The following PTPRN2 variants were observed in gnomAD, a reference collection of about 807,000 sequenced individuals.
PTPRN2 encodes the protein protein tyrosine phosphatase receptor type N2.
In PTPRN2, 74 loss-of-function variants were observed where a neutral mutation model predicts 118.8. That is an observed-to-expected ratio of 0.62 (90% CI 0.52 to 0.76). The LOEUF (loss-of-function observed/expected upper bound fraction) is 0.76. Ranked by LOEUF, PTPRN2 falls within the 30% of genes least tolerant of loss-of-function variation. The probability of loss-of-function intolerance (pLI) is 0.00; values close to 1 mark genes in which losing one functional copy is unlikely to be tolerated. For missense variants in PTPRN2, 1,481 were observed against 1,394.4 expected (o/e 1.06, Z -0.99); for synonymous variants, 641 against 608.0 (o/e 1.05, Z -0.80).
Position 158,077,761 on chromosome 7 carries a change from C to T in PTPRN2, c.1723+3537G>A, listed in dbSNP as rs576989925. Among the ~76,000 whole-genome samples, 3 of 152,284 alleles carry T rather than the reference C, an allele frequency of 2.0e-5. No individual in the cohort carries two copies. The South Asian group carries it at 6.2e-4, about 32-fold the overall frequency. On this transcript the variant is annotated intron_variant, in intron 11 of 22. Coordinates refer to ENST00000389418, the MANE Select transcript of PTPRN2 (RefSeq NM_002847.5). Reference sequence around the variant, plus strand: ...TCTGCAGACTGGGAGCCAGCAAAAGCAAACAGTTTCTAAAGGATGATGAAT... The same window carrying T: ...TCTGCAGACTGGGAGCCAGCAAAAGTAAACAGTTTCTAAAGGATGATGAAT...
At chr7:157,876,279 AGGGCTGACCCTGAAG>A (rs1332262087) in intron 12 of PTPRN2, among the ~76,000 whole-genome samples, 1 of 152,156 alleles carries the variant, frequency 6.6e-6, no homozygotes, top group African/African-American at 2.4e-5. Context: ...TAAGGCGGAC[AGGGCTGACCCTGAAG>A]GCAAAGCATC....
At chr7:158,333,769 A>C in intron 2 of PTPRN2, among the ~76,000 whole-genome samples, 1 of 147,790 alleles carries the variant, frequency 6.8e-6, no homozygotes, top group South Asian at 2.2e-4. Context: ...ACACCCGCAG[A>C]CATCACTCAC....
chr7:158,432,821 C>T (rs1185315626), intron 2 of PTPRN2, among the ~76,000 whole-genome samples: 1 of 152,182 alleles, frequency 6.6e-6, no homozygotes, highest in Non-Finnish European at 1.5e-5. Context: ...GGCTTACACT[C>T]CTGCTACAAA....
chr7:157,566,383 G>A (rs186310247), intron 21 of PTPRN2, among the ~76,000 whole-genome samples: 5 of 152,348 alleles, frequency 3.3e-5, no homozygotes, highest in Admixed American at 1.3e-4. Context: ...AAGACGCCCC[G>A]CCACACGGGC....
chr7:158,254,962 C>T (rs992420046), intron 3 of PTPRN2, among the ~76,000 whole-genome samples: 2 of 152,244 alleles, frequency 1.3e-5, no homozygotes, highest in African/African-American at 2.4e-5. Context: ...ATGGCCCAGG[C>T]CCAGGAAGAA....
At chr7:158,535,559 G>A (rs572625371) in intron 1 of PTPRN2, among the ~76,000 whole-genome samples, 2 of 152,168 alleles carry the variant, frequency 1.3e-5, no homozygotes, top group South Asian at 4.2e-4. Flanking sequence ...GAGCGGCTGG[G>A]GCTTTCTCTG....
chr7:158,133,876 A>T lies in PTPRN2; in HGVS notation c.1357T>A (p.Ser453Thr). 6.2e-7 allele frequency: 1 copy of T among 1,613,886 alleles called. No homozygotes were observed. The change falls in exon 9 of 23, where the codon TCC becomes ACC. Residue 453 changes from serine (S) to threonine (T), a missense_variant. Ser to Thr is a moderately conservative substitution (Grantham distance 58). Coordinates refer to ENST00000389418, the MANE Select transcript of PTPRN2 (RefSeq NM_002847.5). Reference protein sequence around the residue: ...GVENVKSQTYSKDLLGQQPHS... With the variant: ...GVENVKSQTYTKDLLGQQPHS... ...GGCTGCTGCCCCAGCAGATCTTTGG[A>T]ATACGTCTGGCTCTTGACGTTCTCC... is the stretch of plus-strand genomic sequence containing the variant.
chr7:158,068,471 T>C (rs1037527148), intron 11 of PTPRN2, among the ~76,000 whole-genome samples: 1 of 152,200 alleles, frequency 6.6e-6, no homozygotes, highest in African/African-American at 2.4e-5. Context: ...GCACCACCTT[T>C]GCACTCAGCA....
intron 12 of PTPRN2, chr7:157,854,382 C>A (rs755532695): frequency 6.6e-6 from 1 of 152,412 alleles, no homozygotes; most frequent in Non-Finnish European, 1.5e-5. Flanking sequence ...GGCACACCCA[C>A]GTCCACGTGG....
chr7:158,573,563 G>T (rs1036046055), intron 1 of PTPRN2, among the ~76,000 whole-genome samples: 5 of 152,042 alleles, frequency 3.3e-5, no homozygotes, highest in Admixed American at 6.6e-5. Flanking sequence ...CCAACCAAGA[G>T]CTCGGGTCTC....
intron 6 of PTPRN2, among the ~76,000 whole-genome samples, chr7:158,150,471 G>A (rs554499512): frequency 6.6e-6 from 1 of 152,344 alleles, no homozygotes; most frequent in Admixed American, 6.5e-5. Context: ...GCAGGCGGAT[G>A]TTCCTGTGTC....
chr7:157,645,321 C>T (rs1400738197), intron 14 of PTPRN2, among the ~76,000 whole-genome samples: 12 of 152,184 alleles, frequency 7.9e-5, no homozygotes, highest in Non-Finnish European at 1.8e-4. Context: ...TGGATGCAGC[C>T]CTTCCCACCT....
chr7:158,009,973 G>A (rs534862394), intron 11 of PTPRN2, among the ~76,000 whole-genome samples: 12 of 152,242 alleles, frequency 7.9e-5, no homozygotes, highest in African/African-American at 2.4e-4. Flanking sequence ...AGTAGGCACT[G>A]TCTCCCGCCC....
At chr7:158,091,686 A>T (rs1814140359) in intron 10 of PTPRN2, among the ~76,000 whole-genome samples, 1 of 128,860 alleles carries the variant, frequency 7.8e-6, no homozygotes, top group Non-Finnish European at 1.6e-5. Context: ...GGGTGGGTGG[A>T]TGGGTGAGGG....
intron 11 of PTPRN2, among the ~76,000 whole-genome samples, chr7:158,079,171 G>A (rs562772530): frequency 3.3e-5 from 5 of 152,106 alleles, no homozygotes; most frequent in South Asian, 2.1e-4. Context: ...CATCAGGCAC[G>A]TTCATGACAC....
At chr7:158,140,640 G>C (rs1819283924) in intron 6 of PTPRN2, among the ~76,000 whole-genome samples, 1 of 152,224 alleles carries the variant, frequency 6.6e-6, no homozygotes, top group Non-Finnish European at 1.5e-5. Flanking sequence ...GATGGGCGAG[G>C]TCTGCCCAGG....
intron 13 of PTPRN2, among the ~76,000 whole-genome samples, chr7:157,657,709 A>G (rs1795639476): frequency 4.5e-5 from 3 of 66,490 alleles, no homozygotes; most frequent in Non-Finnish European, 9.5e-5. Flanking sequence ...ACACACATAC[A>G]CCCCACACAC....
In PTPRN2 at chr7:158,565,702, A is replaced by G. The variant is rs1356322517; in HGVS notation, c.112+21856T>C. ...CATGACTCCAACTTACTTTCTACAC[A>G]CAAGACATAGAAACCATCTCATGCA... On this transcript the variant is annotated intron_variant, in intron 1 of 22. Coordinates refer to ENST00000389418, the MANE Select transcript of PTPRN2 (RefSeq NM_002847.5). The surrounding 1 kb of genome is among the most constrained non-coding windows in gnomAD (Gnocchi z 4.6). 1.3e-5 allele frequency among the ~76,000 whole-genome samples: 2 copies of G among 152,316 alleles called. No homozygotes were observed. Among genetic ancestry groups the G allele is most frequent in the East Asian group, 3.9e-4 (2 of 5,190 alleles).
chr7:158,342,818 T>G (rs1415736591), intron 2 of PTPRN2, among the ~76,000 whole-genome samples: 1 of 151,802 alleles, frequency 6.6e-6, no homozygotes, highest in Non-Finnish European at 1.5e-5. Context: ...GGAAACAGGA[T>G]CAACCATTCC....
Sources: allele counts gnomAD v4.1 joint callset (sites outside exome capture counted in the v4.1 genomes callset), GRCh38; gene constraint gnomAD v4.1.1; non-coding constraint Gnocchi (gnomAD v3.1); transcripts MANE v1.5; gene names NCBI Gene and HGNC (gene_info 2026-07-23, HGNC 2026-07-21).